Variants in CASP2 observed in about 807,000 individuals in gnomAD.
The protein encoded by CASP2 is caspase 2.
In CASP2, 38 loss-of-function variants were observed where a neutral mutation model predicts 54.4. The ratio of observed to expected loss-of-function variants is 0.70; its 90% CI spans 0.54 to 0.92. The LOEUF (loss-of-function observed/expected upper bound fraction) is 0.92. CASP2 is among the 40% of genes least tolerant of loss of function. CASP2 has a pLI of 0.00. For missense variants in CASP2, 512 were observed against 579.6 expected, an observed-to-expected ratio of 0.88 and a Z score of 1.20; for synonymous variants, 215 against 216.3, an observed-to-expected ratio of 0.99 and a Z score of 0.05.
At chr7:143,303,601 T>C (rs1801983842) in intron 8 of CASP2, 183 bp from the exon 9 acceptor site, 1 of 548,714 alleles carries the variant, frequency 1.8e-6, no homozygotes, top group Non-Finnish European at 3.3e-6. Context: ...GAGTAACAGA[T>C]GCATGCTGAG....
Position 143,289,730 on chromosome 7 carries a change from A to T in CASP2, c.74+1201A>T, listed in dbSNP as rs202214407. 4.1e-4 allele frequency: 182 copies of T among 448,264 alleles called. No individual in the cohort carries two copies. In the East Asian group the frequency reaches 0.024, roughly 58 times the overall value. 27.8% of individuals were successfully genotyped at this position (448,264 alleles called of 1,614,324 possible). On this transcript the variant is annotated intron_variant, in intron 1 of 10. Transcript: ENST00000310447. Reference sequence around the variant, plus strand: ...ACGTATTCGAAAGTGATTCATTCTTAAATAGGTTTTTTTATTTGTATAGCT... The same window carrying T: ...ACGTATTCGAAAGTGATTCATTCTTTAATAGGTTTTTTTATTTGTATAGCT...
At chr7:143,304,042 G>C in intron 9 of CASP2, 109 bp downstream of exon 9, 2 of 1,129,900 alleles carry the variant, frequency 1.8e-6, no homozygotes, top group South Asian at 2.7e-5. Context: ...GTTGGAACCA[G>C]AAGTGTTTCA....
In CASP2 at chr7:143,307,050, C is replaced by G. The variant is rs1308706564; in HGVS notation, c.*1979C>G. On this transcript the variant is annotated 3_prime_UTR_variant, in exon 11 of 11. Coordinates refer to ENST00000310447, the MANE Select transcript of CASP2 (RefSeq NM_032982.4). ...AGCTCTCCACCCCCACCACTCTTGA[C>G]TCAGGTGGTGTCCTTCTTCCTCAAG... 1 of 152,358 alleles carries G rather than the reference C, an allele frequency of 6.6e-6. No individual in the cohort carries two copies. Among genetic ancestry groups the G allele is most frequent in the Non-Finnish European group, 1.5e-5 (1 of 68,146 alleles). The allele number at this position is 152,358 out of a possible 1,614,324, so 9.4% of individuals were successfully genotyped here. A position where few individuals can be genotyped will look rare whatever the true frequency, so the allele number is the denominator to read the frequency against.
intron 7 of CASP2, 26 bp from the exon 8 acceptor site, chr7:143,300,168 GCTTAACCTCT>G (rs765386737): frequency 1.2e-6 from 2 of 1,613,274 alleles, no homozygotes; most frequent in South Asian, 2.2e-5. Context: ...CCCGCTGAAT[GCTTAACCTCT>G]CTTCTTCCTT....
Position 143,292,730 on chromosome 7 carries a change from G to T in CASP2, c.475+32G>T, listed in dbSNP as rs1191983043. The T allele has an allele frequency of 3.8e-6, 6 of 1,564,146 alleles. No homozygotes were observed. The East Asian group carries it at 1.1e-4, about 29-fold the overall frequency. On this transcript the variant is annotated intron_variant, in intron 4 of 10. Transcript: ENST00000310447. ...ATTGATGGACTAAAAGGGGTCCCAG[G>T]CCAGGTGCCACGGCTTACGCCTATA...
chr7:143,304,961 C>T lies in CASP2; in HGVS notation c.1249C>T (p.Arg417Trp), dbSNP rs1175204494. 6 of 1,614,062 alleles carry T rather than the reference C, an allele frequency of 3.7e-6. No individual in the cohort carries two copies. The highest frequency in any genetic ancestry group is 2.2e-5 in the East Asian group (1 of 44,896). Residue 417 changes from arginine (R) to tryptophan (W), a missense_variant, in exon 11 of 11, where the codon CGG becomes TGG. By Grantham distance (101) the Arg-to-Trp change is moderately radical. Around this residue, in one of 3 missense-constraint regions of CASP2, gnomAD observed 417 missense variants for 495.4 expected, o/e 0.84. Transcript: ENST00000310447. ...LVKVNALIKD[R>W]EGYAPGTEFH... ...CCAGGTGAACGCACTTATCAAGGAT[C>T]GGGAAGGTTATGCTCCTGGCACAGA...
intron 6 of CASP2, among the ~76,000 whole-genome samples, chr7:143,295,110 C>T (rs1237160276): frequency 6.6e-6 from 1 of 151,986 alleles, no homozygotes; most frequent in Admixed American, 6.6e-5. Flanking sequence ...TCACTGCAAC[C>T]TCTGCCTACC....
chr7:143,292,191 C>T (rs964605079), intron 2 of CASP2, 109 bp from the exon 3 acceptor site: 2 of 1,094,390 alleles, frequency 1.8e-6, no homozygotes, highest in Admixed American at 3.8e-5. Context: ...ATACACTTTT[C>T]CTGTAAAAAG....
chr7:143,292,070 A>G (rs1050052866), intron 2 of CASP2, among the ~76,000 whole-genome samples: 1 of 151,438 alleles, frequency 6.6e-6, no homozygotes, highest in African/African-American at 2.4e-5. Flanking sequence ...GAGCCACCAC[A>G]CCCAGCTGGA....
At chr7:143,293,491 T>C (rs936688234) in intron 4 of CASP2, among the ~76,000 whole-genome samples, 3 of 150,876 alleles carry the variant, frequency 2.0e-5, no homozygotes, top group Non-Finnish European at 3.0e-5. Context: ...GGACAGTTTA[T>C]GCAGGAGTTT....
chr7:143,300,011 T>G lies in CASP2; in HGVS notation c.836T>G (p.Val279Gly), dbSNP rs763167453. Residue 279 changes from valine (V) to glycine (G), a missense_variant, in exon 7 of 11, where the codon GTG becomes GGG. Physicochemically the swap from Val to Gly is moderately radical, Grantham distance 109 (BLOSUM62 -3). Coordinates refer to ENST00000310447, the MANE Select transcript of CASP2 (RefSeq NM_032982.4). Reference sequence around the variant, plus strand: ...ATCGTGGCACTCCTCTCGCATGGTGTGGAGGGCGCCATCTATGGTGTGGAT... The same window carrying G: ...ATCGTGGCACTCCTCTCGCATGGTGGGGAGGGCGCCATCTATGGTGTGGAT... ...SCIVALLSHG[V>G]EGAIYGVDGK... 3 of 1,614,118 alleles carry G rather than the reference T, an allele frequency of 1.9e-6. No homozygotes were observed. The highest frequency in any genetic ancestry group is 2.2e-5 in the East Asian group (1 of 44,880).
intron 8 of CASP2, 184 bp from the exon 9 acceptor site, chr7:143,303,600 A>T (rs1158717509): frequency 5.5e-6 from 3 of 544,950 alleles, no homozygotes; most frequent in Non-Finnish European, 9.8e-6. Context: ...TGAGTAACAG[A>T]TGCATGCTGA....
intron 6 of CASP2, among the ~76,000 whole-genome samples, chr7:143,296,711 T>G (rs1801763336): frequency 6.6e-6 from 1 of 151,534 alleles, no homozygotes; most frequent in South Asian, 2.1e-4. Flanking sequence ...ATATAGCTAT[T>G]TGGCAAGCAA....
At chr7:143,303,621 AT>A (rs368340000) in intron 8 of CASP2, 162 bp from the exon 9 acceptor site, 137,159 of 513,976 alleles carry the variant, frequency 0.27, 1 homozygote, top group South Asian at 0.36. Context: ...GAGAGTAATA[AT>A]TTTTTTTTTT....
rs943112531 is a variant in CASP2 at position 143,307,266 on chromosome 7, C to G, written c.*2195C>G. The G allele has an allele frequency of 2.6e-5, 4 of 152,186 alleles. No individual in the cohort carries two copies. The highest frequency in any genetic ancestry group is 9.7e-5 in the African/African-American group (4 of 41,438). The allele number at this position is 152,186 out of a possible 1,614,324, so 9.4% of individuals were successfully genotyped here. ...GTTTGTTTTATTCACCATCATGTAC[C>G]AAGTGCTTGGCACATAGTGGGCCTT... On this transcript the variant is annotated 3_prime_UTR_variant, in exon 11 of 11. Transcript: ENST00000310447.
chr7:143,296,752 C>CT (rs1315507468), intron 6 of CASP2, among the ~76,000 whole-genome samples: 2 of 151,512 alleles, frequency 1.3e-5, no homozygotes, highest in African/African-American at 4.9e-5. Flanking sequence ...AAAAAAGATC[C>CT]TTTTTTCTTT....
In CASP2 at chr7:143,300,018, C is replaced by G; in HGVS notation, c.843C>G (p.Gly281=). 2.5e-6 allele frequency: 4 copies of G among 1,614,066 alleles called. No individual in the cohort carries two copies. Among genetic ancestry groups the G allele is most frequent in the Non-Finnish European group, 3.4e-6 (4 of 1,180,008 alleles). The change falls in exon 7 of 11, where the codon GGC becomes GGG. Residue 281 remains glycine, a synonymous_variant. Coordinates refer to ENST00000310447, the MANE Select transcript of CASP2 (RefSeq NM_032982.4). ...CACTCCTCTCGCATGGTGTGGAGGG[C>G]GCCATCTATGGTGTGGATGGGAAAC... ...IVALLSHGVE[G]AIYGVDGKLL... is the part of the protein sequence containing the mutation.
chr7:143,304,992 A>G lies in CASP2; in HGVS notation c.1280A>G (p.His427Arg). Residue 427 changes from histidine to arginine, a missense_variant, in exon 11 of 11, where the codon CAC becomes CGC. Physicochemically the swap from His to Arg is conservative, Grantham distance 29. Around this residue, in one of 3 missense-constraint regions of CASP2, gnomAD observed 417 missense variants for 495.4 expected, o/e 0.84. Coordinates refer to ENST00000310447, the MANE Select transcript of CASP2 (RefSeq NM_032982.4). ...REGYAPGTEF[H>R]RCKEMSEYCS... ...GGTTATGCTCCTGGCACAGAATTCC[A>G]CCGGTGCAAGGAGATGTCTGAATAC... 1 of 1,614,030 alleles carries G rather than the reference A, an allele frequency of 6.2e-7. No homozygotes were observed. Among genetic ancestry groups the G allele is most frequent in the Non-Finnish European group, 8.5e-7 (1 of 1,179,982 alleles).
At chr7:143,291,819 C>T in intron 2 of CASP2, 129 bp downstream of exon 2, 1 of 721,396 alleles carries the variant, frequency 1.4e-6, no homozygotes, top group Non-Finnish European at 2.1e-6. Context: ...GTCTCTGTCT[C>T]CCAGGCTGGA....
Sources: allele counts gnomAD v4.1 joint callset (sites outside exome capture counted in the v4.1 genomes callset), GRCh38; gene constraint gnomAD v4.1.1; regional missense constraint gnomAD v4.1.1; transcripts MANE v1.5; gene names NCBI Gene and HGNC (gene_info 2026-07-23, HGNC 2026-07-21).